Variants in GUCY2F observed in about 807,000 individuals in gnomAD.
The protein encoded by GUCY2F is retinal guanylyl cyclase 2.
In GUCY2F, 61 loss-of-function variants were observed where a neutral mutation model predicts 73.1. The observed-to-expected ratio is 0.83, with a 90% CI of 0.68 to 1.03. The LOEUF is 1.03. Ranked by LOEUF, GUCY2F falls within the 50% of genes least tolerant of loss-of-function variation. The pLI is 0.00. For missense variants in GUCY2F, 912 were observed against 854.3 expected (o/e 1.07, Z -0.84); for synonymous variants, 331 against 307.8 (o/e 1.08, Z -0.79).
At chrX:109,476,364 A>G (rs1279636269) in intron 1 of GUCY2F, among the ~76,000 whole-genome samples, 1 of 112,406 alleles carries the variant, frequency 8.9e-6, no homozygotes, top group East Asian at 2.8e-4. Flanking sequence ...ACACACGGCA[A>G]GTGCTTATAA....
intron 19 of GUCY2F, among the ~76,000 whole-genome samples, chrX:109,373,236 T>C (rs1248802879): frequency 8.9e-6 from 1 of 112,420 alleles, no homozygotes; most frequent in Non-Finnish European, 1.9e-5. Context: ...GAGAGCATGT[T>C]AATATACAGG....
chrX:109,445,744 A>G (rs1727226413), intron 6 of GUCY2F, among the ~76,000 whole-genome samples: 1 of 111,769 alleles, frequency 8.9e-6, no homozygotes. Context: ...CACCACTCCT[A>G]TTCAACATAG....
At chrX:109,445,628 A>G (rs1177549033) in intron 6 of GUCY2F, among the ~76,000 whole-genome samples, 1 of 111,788 alleles carries the variant, frequency 8.9e-6, no homozygotes, top group African/African-American at 3.3e-5. Context: ...ATATCTCAAA[A>G]TAATAAGAGC....
intron 10 of GUCY2F, among the ~76,000 whole-genome samples, chrX:109,403,615 G>A (rs1334858368): frequency 1.8e-5 from 2 of 111,840 alleles, no homozygotes; most frequent in African/African-American, 6.5e-5. Flanking sequence ...CAAAACTTTG[G>A]TAGTGCCAAT....
At chrX:109,430,529 T>C (rs1182107361) in intron 7 of GUCY2F, 133 bp from the exon 8 acceptor site, 3 of 464,122 alleles carry the variant, frequency 6.5e-6, no homozygotes, top group Non-Finnish European at 7.5e-6. Flanking sequence ...TCTCCCACCC[T>C]CCACCTCACA....
chrX:109,481,314 T>A (rs1022856597), intron 1 of GUCY2F, among the ~76,000 whole-genome samples: 6 of 112,230 alleles, frequency 5.3e-5, no homozygotes, highest in Non-Finnish European at 9.4e-5. Flanking sequence ...GGCCATTGCC[T>A]AGGTTACTCA....
At chrX:109,459,964 A>G (rs1324530425) in intron 3 of GUCY2F, among the ~76,000 whole-genome samples, 2 of 112,033 alleles carry the variant, frequency 1.8e-5, no homozygotes, top group African/African-American at 3.2e-5. Flanking sequence ...AGAAAATAGG[A>G]AAAATACTAT....
intron 8 of GUCY2F, among the ~76,000 whole-genome samples, chrX:109,415,812 G>C (rs1931224938): frequency 8.9e-6 from 1 of 111,799 alleles, no homozygotes; most frequent in Non-Finnish European, 1.9e-5. Flanking sequence ...TTATGACCTG[G>C]AGCTTCTACC....
At chrX:109,374,539 G>A (rs1211819388) in intron 19 of GUCY2F, among the ~76,000 whole-genome samples, 1 of 111,807 alleles carries the variant, frequency 8.9e-6, no homozygotes, top group Non-Finnish European at 1.9e-5. Context: ...CTTAGGAATG[G>A]ATGGATTCTT....
At position 109,392,962 on chromosome X, in the gene GUCY2F, G is replaced by A. The variant is rs754009397; in HGVS notation, c.2518C>T (p.Arg840Trp). ...QYSSNLEDLI[R>W]ERTEELEIEK... ...ATTTCCAGCTCTTCAGTCCGCTCCC[G>A]AATCAAATCTTCCAAGTTGCTAGAA... is the stretch of plus-strand genomic sequence containing the variant. Residue 840 changes from arginine to tryptophan, a missense_variant, in exon 13 of 20, where the codon CGG becomes TGG. Coordinates refer to ENST00000218006, the MANE Select transcript of GUCY2F (RefSeq NM_001522.3). The A allele has an allele frequency of 5.2e-5, 61 of 1,163,916 alleles. No individual in the cohort carries two copies. In the South Asian group the frequency reaches 9.2e-4, roughly 17 times the overall value.
chrX:109,478,423 T>A (rs750954589), intron 1 of GUCY2F, among the ~76,000 whole-genome samples: 3 of 112,512 alleles, frequency 2.7e-5, no homozygotes, highest in South Asian at 7.4e-4. Context: ...TATCTCTCTG[T>A]CCTTATAGGC....
At chrX:109,413,979 T>C (rs1245452577) in intron 8 of GUCY2F, among the ~76,000 whole-genome samples, 1 of 109,444 alleles carries the variant, frequency 9.1e-6, no homozygotes, top group African/African-American at 3.3e-5. Context: ...AGAGTCTCGC[T>C]CTCGCTCTGT....
intron 3 of GUCY2F, among the ~76,000 whole-genome samples, chrX:109,462,408 C>G (rs1169406993): frequency 8.9e-6 from 1 of 112,111 alleles, no homozygotes; most frequent in Non-Finnish European, 1.9e-5. Flanking sequence ...ATTATCTCAC[C>G]CTTTTATCAT....
At chrX:109,480,350 T>A (rs1250325982) in intron 1 of GUCY2F, among the ~76,000 whole-genome samples, 1 of 111,746 alleles carries the variant, frequency 8.9e-6, no homozygotes, top group African/African-American at 3.3e-5. Context: ...TGTTCTCTCT[T>A]AAGGGCTGGG....
At chrX:109,460,705 G>A (rs989917626) in intron 3 of GUCY2F, among the ~76,000 whole-genome samples, 11 of 111,295 alleles carry the variant, frequency 9.9e-5, no homozygotes, top group African/African-American at 2.3e-4. Flanking sequence ...AGAAAGAGGC[G>A]TTTAAGAATT....
At chrX:109,383,131 T>C (rs1417070818) in intron 16 of GUCY2F, among the ~76,000 whole-genome samples, 1 of 111,994 alleles carries the variant, frequency 8.9e-6, no homozygotes, top group Admixed American at 9.5e-5. Context: ...ACTTTCTTTC[T>C]CTTGATAGCT....
rs187235762 is a variant in GUCY2F, at chrX:109,374,279, A to C, written c.*2-1280T>G. On this transcript the variant is annotated intron_variant, in intron 19 of 19. Coordinates refer to ENST00000218006, the MANE Select transcript of GUCY2F (RefSeq NM_001522.3). Reference sequence around the variant, plus strand: ...CACCAAGGCCATGTGGTCAGTTAACATGCTGATTGAAGTACATGTGTTAAT... The same window carrying C: ...CACCAAGGCCATGTGGTCAGTTAACCTGCTGATTGAAGTACATGTGTTAAT... 8.3e-4 allele frequency among the ~76,000 whole-genome samples: 93 copies of C among 111,880 alleles called. No homozygotes were observed. The Middle Eastern group carries it at 0.018, about 22-fold the overall frequency.
At chrX:109,457,751 T>C (rs945359943) in intron 3 of GUCY2F, among the ~76,000 whole-genome samples, 29 of 111,252 alleles carry the variant, frequency 2.6e-4, no homozygotes, top group African/African-American at 8.8e-4. Context: ...ATATTTAGGG[T>C]AATAGAAAAC....
At chrX:109,373,318 C>T (rs938435718) in intron 19 of GUCY2F, among the ~76,000 whole-genome samples, 1 of 111,579 alleles carries the variant, frequency 9.0e-6, no homozygotes, top group African/African-American at 3.3e-5. Context: ...GGAGTGGCTT[C>T]CTCCATAGTA....
Sources: gnomAD v4.1 joint callset for allele counts (sites outside exome capture counted in the v4.1 genomes callset) on GRCh38, gnomAD v4.1.1 for gene constraint, MANE v1.5 for transcripts, NCBI Gene and HGNC (gene_info 2026-07-23, HGNC 2026-07-21) for gene names.